The following CSTPP1 variants were observed in gnomAD, a reference collection of about 807,000 sequenced individuals.
CSTPP1 encodes the protein UPF0705 protein C11orf49.
the CSTPP1 span, among the ~76,000 whole-genome samples, chr11:47,025,341 C>A: frequency 6.6e-6 from 1 of 152,204 alleles, no homozygotes; most frequent in South Asian, 2.1e-4. Context: ...AGATGATAAC[C>A]ATGAAGAGGA....
chr11:47,102,556 G>A, the CSTPP1 span, among the ~76,000 whole-genome samples: 1 of 151,974 alleles, frequency 6.6e-6, no homozygotes, highest in Non-Finnish European at 1.5e-5. Context: ...ATATGTTCAT[G>A]ATATCAAAAT....
the CSTPP1 span, among the ~76,000 whole-genome samples, chr11:47,047,706 A>G: frequency 6.6e-6 from 1 of 152,272 alleles, no homozygotes; most frequent in South Asian, 2.1e-4. Context: ...AAAGGATACT[A>G]TCATGAAAGT....
At chr11:46,967,217 A>T in the CSTPP1 span, among the ~76,000 whole-genome samples, 1 of 152,022 alleles carries the variant, frequency 6.6e-6, no homozygotes, top group African/African-American at 2.4e-5. Flanking sequence ...GCCCATTCTG[A>T]GTTAATGAGT....
chr11:47,014,378 A>C, the CSTPP1 span, among the ~76,000 whole-genome samples: 4 of 101,550 alleles, frequency 3.9e-5, no homozygotes, highest in Admixed American at 4.2e-4. Flanking sequence ...AAAAAAAGAA[A>C]GAAAAAGAAA....
the CSTPP1 span, among the ~76,000 whole-genome samples, chr11:47,131,884 G>A: frequency 2.0e-5 from 3 of 152,048 alleles, no homozygotes; most frequent in Admixed American, 6.6e-5. Flanking sequence ...GGCTGAGGCA[G>A]GAGAATCGCT....
the CSTPP1 span, among the ~76,000 whole-genome samples, chr11:47,083,145 T>A: frequency 1.3e-5 from 2 of 152,180 alleles, no homozygotes; most frequent in East Asian, 3.8e-4. Context: ...TTTGTTTTTC[T>A]GTTCCTGCGT....
chr11:47,128,815 T>C, the CSTPP1 span, among the ~76,000 whole-genome samples: 1 of 152,212 alleles, frequency 6.6e-6, no homozygotes, highest in Non-Finnish European at 1.5e-5. Context: ...CAGATAGGTA[T>C]AATCCTTTGC....
At chr11:47,050,150 G>A in the CSTPP1 span, among the ~76,000 whole-genome samples, 1 of 152,008 alleles carries the variant, frequency 6.6e-6, no homozygotes, top group Non-Finnish European at 1.5e-5. Context: ...AATAAAGCTG[G>A]TATTGCAATA....
the CSTPP1 span, among the ~76,000 whole-genome samples, chr11:47,051,649 G>A: frequency 6.6e-6 from 1 of 151,756 alleles, no homozygotes; most frequent in African/African-American, 2.4e-5. Context: ...CCTTATGGCA[G>A]CTGGTATAGG....
At chr11:47,078,385 C>T in the CSTPP1 span, among the ~76,000 whole-genome samples, 9 of 152,202 alleles carry the variant, frequency 5.9e-5, no homozygotes, top group Non-Finnish European at 1.3e-4. Context: ...GCATACTCCT[C>T]TGAGAAATCT....
the CSTPP1 span, among the ~76,000 whole-genome samples, chr11:47,028,523 C>A: frequency 6.6e-6 from 1 of 152,016 alleles, no homozygotes; most frequent in Admixed American, 6.6e-5. Flanking sequence ...AACTGTAGTT[C>A]TTAGAAATAC....
At chr11:47,161,066 G>C in the CSTPP1 span, 12 of 1,601,878 alleles carry the variant, frequency 7.5e-6, no homozygotes, top group Non-Finnish European at 1.0e-5. Context: ...GGGCATGGAG[G>C]AATCTGTTGC....
chr11:47,124,675 T>C, the CSTPP1 span, among the ~76,000 whole-genome samples: 1 of 152,162 alleles, frequency 6.6e-6, no homozygotes, highest in East Asian at 1.9e-4. Context: ...TGGTATCCAA[T>C]GGAAGGCCAC....
the CSTPP1 span, among the ~76,000 whole-genome samples, chr11:47,150,889 T>G: frequency 1.4e-5 from 2 of 145,956 alleles, no homozygotes; most frequent in Admixed American, 6.8e-5. Flanking sequence ...GAAGGTTTTT[T>G]TTTTTTTTTT....
chr11:46,987,904 T>C, the CSTPP1 span: 1 of 152,884 alleles, frequency 6.5e-6, no homozygotes, highest in Non-Finnish European at 1.5e-5. Flanking sequence ...GGACAAAAGA[T>C]GTGCATAGAC....
the CSTPP1 span, among the ~76,000 whole-genome samples, chr11:46,978,757 G>T: frequency 6.6e-6 from 1 of 152,188 alleles, no homozygotes; most frequent in African/African-American, 2.4e-5. Flanking sequence ...GATTTCACAT[G>T]TGAGACTCTT....
chr11:47,042,465 G>A, the CSTPP1 span, among the ~76,000 whole-genome samples: 5 of 151,588 alleles, frequency 3.3e-5, no homozygotes, highest in Non-Finnish European at 4.4e-5. Context: ...GTCTGTGTGT[G>A]TGTGTGAGAG....
chr11:47,145,624 T>A, the CSTPP1 span, among the ~76,000 whole-genome samples: 2 of 151,956 alleles, frequency 1.3e-5, no homozygotes, highest in African/African-American at 2.4e-5. Context: ...CCAAAAAAAA[T>A]TATTTAAAAA....
the CSTPP1 span, among the ~76,000 whole-genome samples, chr11:47,121,586 G>C: frequency 1.3e-5 from 2 of 152,150 alleles, no homozygotes; most frequent in Non-Finnish European, 2.9e-5. Context: ...CAAGTAAATA[G>C]CAATTGATTA....
Sources: gnomAD v4.1 joint callset for allele counts (sites outside exome capture counted in the v4.1 genomes callset) on GRCh38, gnomAD v4.1.1 for gene constraint, MANE v1.5 for transcripts, NCBI Gene and HGNC (gene_info 2026-07-23, HGNC 2026-07-21) for gene names.